The following PTPRD variants were observed in gnomAD, a reference collection of about 807,000 sequenced individuals.
PTPRD encodes the protein protein tyrosine phosphatase receptor type D.
PTPRD carries 34 observed loss-of-function variants against 214.5 expected under a neutral mutation model. The observed-to-expected ratio is 0.16, with a 90% CI of 0.12 to 0.21. The LOEUF is 0.21. Ranked by LOEUF, PTPRD falls within the 10% of genes least tolerant of loss-of-function variation. The pLI, the probability that PTPRD is intolerant of heterozygous loss-of-function variation, is 1.00. For synonymous variants in PTPRD, 1,128 were observed against 845.7 expected (o/e 1.33, Z -5.79); for missense variants, 2,545 against 2,398.7 (o/e 1.06, Z -1.27).
intron 2 of PTPRD, among the ~76,000 whole-genome samples, chr9:10,542,700 T>A (rs931060546): frequency 1.3e-5 from 2 of 152,080 alleles, no homozygotes; most frequent in Non-Finnish European, 2.9e-5. Flanking sequence ...ATAGATTTTC[T>A]TCCTTTTTTT....
At chr9:8,953,862 G>A (rs753506960) in intron 11 of PTPRD, among the ~76,000 whole-genome samples, 1 of 151,920 alleles carries the variant, frequency 6.6e-6, no homozygotes, top group Non-Finnish European at 1.5e-5. Context: ...TATTGGCAAG[G>A]CTGCAAAGAA....
At chr9:9,234,971 C>T (rs2099965641) in intron 9 of PTPRD, among the ~76,000 whole-genome samples, 1 of 152,158 alleles carries the variant, frequency 6.6e-6, no homozygotes. Context: ...TGCCCCACTA[C>T]CTCAGTACCA....
chr9:9,760,212 A>C (rs1285275728), intron 6 of PTPRD, among the ~76,000 whole-genome samples: 1 of 152,176 alleles, frequency 6.6e-6, no homozygotes, highest in East Asian at 1.9e-4. Context: ...CACATATCAA[A>C]AATACATCTA....
At chr9:8,619,344 A>G (rs1459435638) in intron 14 of PTPRD, among the ~76,000 whole-genome samples, 1 of 150,464 alleles carries the variant, frequency 6.6e-6, no homozygotes, top group African/African-American at 2.4e-5. Context: ...CATCTCCCCA[A>G]CCCCCACCCC....
At chr9:9,239,372 C>G (rs1025889334) in intron 9 of PTPRD, among the ~76,000 whole-genome samples, 4 of 152,068 alleles carry the variant, frequency 2.6e-5, no homozygotes, top group Non-Finnish European at 4.4e-5. Flanking sequence ...ATAATACAAA[C>G]ATTTTTGCCT....
At chr9:8,469,479 G>A (rs2096611051) in intron 31 of PTPRD, among the ~76,000 whole-genome samples, 1 of 151,934 alleles carries the variant, frequency 6.6e-6, no homozygotes, top group Admixed American at 6.6e-5. Context: ...TGACACTTCT[G>A]TAGTTCAGCT....
chr9:8,585,553 G>A (rs1170176471), intron 14 of PTPRD, among the ~76,000 whole-genome samples: 1 of 152,156 alleles, frequency 6.6e-6, no homozygotes, highest in Non-Finnish European at 1.5e-5. Context: ...CACATTAATG[G>A]CCATGAACAT....
intron 14 of PTPRD, among the ~76,000 whole-genome samples, chr9:8,588,535 T>C (rs935440545): frequency 1.3e-4 from 20 of 152,186 alleles, no homozygotes; most frequent in Non-Finnish European, 7.4e-5. Context: ...ATAGAAAGAA[T>C]AATCCTTTGG....
At chr9:9,083,299 G>A (rs971596513) in intron 10 of PTPRD, among the ~76,000 whole-genome samples, 6 of 152,114 alleles carry the variant, frequency 3.9e-5, no homozygotes, top group African/African-American at 1.4e-4. Context: ...CAAGAATGGG[G>A]AAAGGATTCC....
intron 9 of PTPRD, among the ~76,000 whole-genome samples, chr9:9,340,124 C>G (rs1200104531): frequency 6.6e-6 from 1 of 151,982 alleles, no homozygotes; most frequent in Non-Finnish European, 1.5e-5. Flanking sequence ...AGGTAAGGCA[C>G]TCTAGAAACC....
intron 5 of PTPRD, among the ~76,000 whole-genome samples, chr9:9,923,906 G>C (rs771125816): frequency 1.4e-4 from 21 of 152,030 alleles, no homozygotes; most frequent in Non-Finnish European, 2.8e-4. Flanking sequence ...GGGAGTCTTA[G>C]AGAGCAACCA....
At chr9:9,560,059 A>G (rs1314966309) in intron 8 of PTPRD, among the ~76,000 whole-genome samples, 1 of 152,212 alleles carries the variant, frequency 6.6e-6, no homozygotes, top group African/African-American at 2.4e-5. Flanking sequence ...ACCAAACAGA[A>G]AAAAACTACA....
At chr9:9,093,436 TA>T (rs1472726618) in intron 10 of PTPRD, among the ~76,000 whole-genome samples, 3 of 151,920 alleles carry the variant, frequency 2.0e-5, no homozygotes, top group African/African-American at 7.2e-5. Context: ...TTCCAGGCCA[TA>T]AAACAAGTCT....
At chr9:9,778,504 T>G (rs1419377562) in intron 5 of PTPRD, among the ~76,000 whole-genome samples, 2 of 152,190 alleles carry the variant, frequency 1.3e-5, no homozygotes, top group East Asian at 3.9e-4. Context: ...GGCATTGTTC[T>G]CAGCTGACCT....
chr9:8,380,354 A>T (rs12235640), intron 37 of PTPRD, among the ~76,000 whole-genome samples: 1 of 151,914 alleles, frequency 6.6e-6, no homozygotes, highest in Non-Finnish European at 1.5e-5. Flanking sequence ...GTGGGCCCCA[A>T]TGTCTTCTGA....
rs764690987 is a variant in PTPRD at position 8,341,277 on chromosome 9, T to C, written c.4948-9A>G. On this transcript the variant is annotated splice_polypyrimidine_tract_variant and intron_variant, in intron 40 of 45. Transcript: ENST00000381196. Reference sequence around the variant, plus strand: ...TTTGAGCTGGCTAGACGCTGTTGAATAGGAAAAAAAAAAAAGGAAAAACCC... The same window carrying C: ...TTTGAGCTGGCTAGACGCTGTTGAACAGGAAAAAAAAAAAAGGAAAAACCC... 2.5e-5 allele frequency: 38 copies of C among 1,543,846 alleles called. No individual in the cohort carries two copies. The South Asian group carries it at 4.7e-4, about 19-fold the overall frequency.
chr9:9,462,307 C>T (rs2093730920), intron 8 of PTPRD, among the ~76,000 whole-genome samples: 1 of 152,006 alleles, frequency 6.6e-6, no homozygotes, highest in Non-Finnish European at 1.5e-5. Flanking sequence ...AACTATGCAG[C>T]CAAGAATGGA....
chr9:9,748,736 AC>A (rs2098483646), intron 6 of PTPRD, among the ~76,000 whole-genome samples: 1 of 152,162 alleles, frequency 6.6e-6, no homozygotes, highest in Non-Finnish European at 1.5e-5. Flanking sequence ...CCTTTAACTT[AC>A]GAATTTTGGC....
At chr9:9,323,072 T>A (rs559527139) in intron 9 of PTPRD, among the ~76,000 whole-genome samples, 2 of 152,164 alleles carry the variant, frequency 1.3e-5, no homozygotes, top group South Asian at 4.1e-4. Context: ...AACATTAGGG[T>A]ATTTTGAATA....
Sources: allele counts gnomAD v4.1 joint callset (sites outside exome capture counted in the v4.1 genomes callset), GRCh38; gene constraint gnomAD v4.1.1; transcripts MANE v1.5; gene names NCBI Gene and HGNC (gene_info 2026-07-23, HGNC 2026-07-21).